Variants in ANKRD30A observed in about 807,000 individuals in gnomAD.
ANKRD30A encodes ankyrin repeat domain-containing protein 30A.
ANKRD30A carries 170 observed loss-of-function variants against 166.3 expected under a neutral mutation model. The ratio of observed to expected loss-of-function variants is 1.02; its 90% CI spans 0.90 to 1.16. The LOEUF (loss-of-function observed/expected upper bound fraction) is 1.16. Among genes scored for constraint, ANKRD30A ranks in the 50% most tolerant of loss-of-function variants. ANKRD30A has a pLI of 0.00. For synonymous variants in ANKRD30A, 564 were observed against 508.9 expected (o/e 1.11, Z -1.46); for missense variants, 1,630 against 1,518.0 (o/e 1.07, Z -1.23).
chr10:37,135,963 T>C (rs908236071), intron 5 of ANKRD30A, among the ~76,000 whole-genome samples: 3 of 152,080 alleles, frequency 2.0e-5, no homozygotes, highest in Non-Finnish European at 4.4e-5. Flanking sequence ...TTTTAAAAAA[T>C]TAATTTTTTG....
At chr10:37,264,803 C>G in the ANKRD30A span, among the ~76,000 whole-genome samples, 1 of 152,164 alleles carries the variant, frequency 6.6e-6, no homozygotes, top group Non-Finnish European at 1.5e-5. Context: ...CAAATTAAAG[C>G]ACCTGGAAGA....
chr10:37,138,519 G>A (rs1488335842), intron 6 of ANKRD30A, among the ~76,000 whole-genome samples: 1 of 152,206 alleles, frequency 6.6e-6, no homozygotes, highest in Non-Finnish European at 1.5e-5. Flanking sequence ...AACCAATGCA[G>A]AGAAGTCCTT....
intron 25 of ANKRD30A, among the ~76,000 whole-genome samples, chr10:37,189,926 C>T (rs2486126): frequency 3.0e-4 from 45 of 151,766 alleles, no homozygotes; most frequent in Middle Eastern, 3.4e-3. Flanking sequence ...GAAATGATTG[C>T]TTAGGAAAAG....
the ANKRD30A span, among the ~76,000 whole-genome samples, chr10:37,265,703 C>T: frequency 6.6e-6 from 1 of 152,132 alleles, no homozygotes; most frequent in Non-Finnish European, 1.5e-5. Flanking sequence ...TTTCCACCGA[C>T]GTTTAAAGGA....
chr10:37,261,208 G>C, the ANKRD30A span, among the ~76,000 whole-genome samples: 1 of 152,234 alleles, frequency 6.6e-6, no homozygotes, highest in South Asian at 2.1e-4. Context: ...TGCCTTAGTG[G>C]TTGTCATATA....
At chr10:37,251,115 A>T in the ANKRD30A span, among the ~76,000 whole-genome samples, 1 of 152,134 alleles carries the variant, frequency 6.6e-6, no homozygotes, top group Non-Finnish European at 1.5e-5. Flanking sequence ...ACCTGGTAAG[A>T]TTTGCTTCTA....
the ANKRD30A span, among the ~76,000 whole-genome samples, chr10:37,250,882 ACACTTTCCTCT>A: frequency 1.3e-5 from 2 of 152,178 alleles, no homozygotes; most frequent in African/African-American, 4.8e-5. Context: ...AAAAACTAAG[ACACTTTCCTCT>A]CACTTTCCCT....
intron 18 of ANKRD30A, among the ~76,000 whole-genome samples, chr10:37,165,944 C>G (rs1461936494): frequency 5.9e-5 from 9 of 152,056 alleles, no homozygotes. Context: ...TTTTATTAGA[C>G]AAAAAGACGT....
chr10:37,150,619 G>A lies in ANKRD30A; in HGVS notation c.1645+770G>A, dbSNP rs112131922. Among the ~76,000 whole-genome samples the A allele has an allele frequency of 3.8e-3, 585 of 152,058 alleles. 3 individuals are homozygous for A. Among genetic ancestry groups the A allele is most frequent in the African/African-American group, 0.013 (556 of 41,516 alleles). On this transcript the variant is annotated intron_variant, in intron 11 of 35. Coordinates refer to ENST00000361713, the MANE Select transcript of ANKRD30A (RefSeq NM_052997.3). Reference sequence around the variant, plus strand: ...ACATGGTTGTACGGTGTAATGTTCAGAAACATTCTTTTTTGATCAGCATCA... The same window carrying A: ...ACATGGTTGTACGGTGTAATGTTCAAAAACATTCTTTTTTGATCAGCATCA...
Position 37,193,250 on chromosome 10 carries a change from T to C in ANKRD30A, c.2606T>C (p.Phe869Ser). The stretch of plus-strand genomic sequence containing the variant: ...TTAGAATTGATGGACATGCAAACTT[T>C]CAAAGCAGGTAAATTTTGTAATTTT... Reference protein sequence around the residue: ...KALELMDMQTFKAEPPEKPSA... With the variant: ...KALELMDMQTSKAEPPEKPSA... The change falls in exon 27 of 36, where the codon TTC becomes TCC. Residue 869 changes from phenylalanine (F) to serine (S), a missense_variant. Phe to Ser is a radical substitution (Grantham distance 155). Coordinates refer to ENST00000361713, the MANE Select transcript of ANKRD30A (RefSeq NM_052997.3). The C allele has an allele frequency of 6.2e-7, 1 of 1,609,644 alleles. No homozygotes were observed. Among genetic ancestry groups the C allele is most frequent in the Non-Finnish European group, 8.5e-7 (1 of 1,178,526 alleles).
At chr10:37,238,543 C>T in the ANKRD30A span, among the ~76,000 whole-genome samples, 6 of 152,122 alleles carry the variant, frequency 3.9e-5, no homozygotes, top group South Asian at 2.1e-4. Flanking sequence ...GTATTCTCTA[C>T]AGAGTTCATA....
chr10:37,149,960 T>C (rs1837798156), intron 11 of ANKRD30A, 111 bp downstream of exon 11: 11 of 1,443,438 alleles, frequency 7.6e-6, no homozygotes, highest in Middle Eastern at 2.5e-4. Context: ...AAACATTTGA[T>C]CTAGATAATG....
intron 5 of ANKRD30A, among the ~76,000 whole-genome samples, chr10:37,134,731 A>T (rs1220759617): frequency 6.6e-6 from 1 of 152,210 alleles, no homozygotes; most frequent in Admixed American, 6.5e-5. Flanking sequence ...TCAAAACCTG[A>T]TGTGAAACCC....
chr10:37,179,116 C>T (rs1195396657), intron 24 of ANKRD30A, among the ~76,000 whole-genome samples: 1 of 144,038 alleles, frequency 6.9e-6, no homozygotes, highest in Non-Finnish European at 1.5e-5. Flanking sequence ...ATAAGATATA[C>T]TTGAATGTAA....
chr10:37,207,672 A>G (rs1842069572), intron 31 of ANKRD30A, among the ~76,000 whole-genome samples: 1 of 151,860 alleles, frequency 6.6e-6, no homozygotes, highest in African/African-American at 2.4e-5. Flanking sequence ...TTTCACAAGT[A>G]CATTCTTAAT....
At chr10:37,152,453 T>G (rs1160805482) in intron 12 of ANKRD30A, among the ~76,000 whole-genome samples, 1 of 152,126 alleles carries the variant, frequency 6.6e-6, no homozygotes, top group Admixed American at 6.5e-5. Context: ...GGCAAATATA[T>G]GATTCTGTCT....
intron 11 of ANKRD30A, among the ~76,000 whole-genome samples, chr10:37,150,231 G>C (rs969324444): frequency 6.6e-6 from 1 of 151,880 alleles, no homozygotes; most frequent in African/African-American, 2.4e-5. Context: ...TATAACACTT[G>C]TGTTTTAATA....
At position 37,189,877 on chromosome 10, in the gene ANKRD30A, G is replaced by C. The variant is rs1359062312; in HGVS notation, c.2512+320G>C. 1.6e-4 allele frequency among the ~76,000 whole-genome samples: 24 copies of C among 151,814 alleles called. 1 individual carries two copies. The highest frequency in any genetic ancestry group is 1.6e-3 in the Admixed American group (24 of 15,230). ...CAGAGCGTACAGAGAGTATATGAAGGAACAAGAAGCAGGTTTATGTAATGG... is the reference window on the plus strand; with the variant it reads ...CAGAGCGTACAGAGAGTATATGAAGCAACAAGAAGCAGGTTTATGTAATGG... On this transcript the variant is annotated intron_variant, in intron 25 of 35. Coordinates refer to ENST00000361713, the MANE Select transcript of ANKRD30A (RefSeq NM_052997.3).
At chr10:37,155,971 C>T (rs1838345667) in intron 13 of ANKRD30A, among the ~76,000 whole-genome samples, 1 of 151,818 alleles carries the variant, frequency 6.6e-6, no homozygotes, top group Non-Finnish European at 1.5e-5. Context: ...GTCCCAGCTA[C>T]TCTGGAGGCT....
Sources: allele counts gnomAD v4.1 joint callset (sites outside exome capture counted in the v4.1 genomes callset), GRCh38; gene constraint gnomAD v4.1.1; transcripts MANE v1.5; gene names NCBI Gene and HGNC (gene_info 2026-07-23, HGNC 2026-07-21).